VSIG10: variants seen among roughly 807,000 people sequenced by gnomAD.
VSIG10 encodes V-set and immunoglobulin domain containing 10.
VSIG10 carries 48 observed loss-of-function variants against 58.7 expected under a neutral mutation model. That is an observed-to-expected ratio of 0.82 (90% CI 0.65 to 1.04). The LOEUF (loss-of-function observed/expected upper bound fraction) is 1.04, where lower values mean the gene tolerates loss of function less well. Among genes scored for constraint, VSIG10 ranks in the 50% least tolerant of loss-of-function variants. The pLI is 0.00. For synonymous variants in VSIG10, 260 were observed against 267.1 expected (o/e 0.97, Z 0.26); for missense variants, 628 against 670.0 (o/e 0.94, Z 0.69).
intron 8 of VSIG10, 131 bp downstream of exon 8, chr12:118,068,246 G>A (rs940325331): frequency 4.5e-6 from 3 of 672,140 alleles, no homozygotes; most frequent in Non-Finnish European, 7.2e-6. Context: ...TGTTGCCCAG[G>A]CTAGTCTTGA....
chr12:118,090,664 A>AT (rs1258001301), intron 2 of VSIG10, among the ~76,000 whole-genome samples: 2 of 151,814 alleles, frequency 1.3e-5, no homozygotes, highest in Non-Finnish European at 2.9e-5. Flanking sequence ...TTCTCCTTTT[A>AT]TTTTTTCAGA....
intron 4 of VSIG10, among the ~76,000 whole-genome samples, chr12:118,078,230 C>G (rs2032803342): frequency 6.6e-6 from 1 of 152,188 alleles, no homozygotes; most frequent in Admixed American, 6.5e-5. Flanking sequence ...GCGATCTCGG[C>G]TCACTGGAAG....
At chr12:118,090,722 G>T (rs1566173522) in intron 2 of VSIG10, among the ~76,000 whole-genome samples, 3 of 152,114 alleles carry the variant, frequency 2.0e-5, no homozygotes, top group Non-Finnish European at 4.4e-5. Context: ...GTGTGATCAT[G>T]ACTTACTGCA....
At chr12:118,067,614 C>T (rs2032301337) in intron 8 of VSIG10, among the ~76,000 whole-genome samples, 1 of 151,576 alleles carries the variant, frequency 6.6e-6, no homozygotes, top group Non-Finnish European at 1.5e-5. Flanking sequence ...CAGGCACCTA[C>T]CACACCCAGC....
Position 118,070,440 on chromosome 12 carries a change from C to T in VSIG10, c.1346+612G>A, listed in dbSNP as rs143759422. Among the ~76,000 whole-genome samples, 824 of 151,098 alleles carry T rather than the reference C, an allele frequency of 5.5e-3. 7 individuals carry two copies. The highest frequency in any genetic ancestry group is 0.018 in the African/African-American group (759 of 41,166). On this transcript the variant is annotated intron_variant, in intron 7 of 8. Transcript: ENST00000359236. ...GTGCGCACCTGTAATCCCAACTACT[C>T]GGAAGGCTGAGGCAGGAGAATGGCC... is the stretch of plus-strand genomic sequence containing the variant.
rs1033533591 is a variant in VSIG10 at position 118,065,473 on chromosome 12, A to T, written c.*1166T>A. On this transcript the variant is annotated 3_prime_UTR_variant, in exon 9 of 9. Coordinates refer to ENST00000359236, the MANE Select transcript of VSIG10 (RefSeq NM_019086.6). ...TATCTCCAGGGAAATAAAACTGGTTAAGACAGTGCTCTGATATGCTTAGTT... is the reference window on the plus strand; with the variant it reads ...TATCTCCAGGGAAATAAAACTGGTTTAGACAGTGCTCTGATATGCTTAGTT... The T allele has an allele frequency of 6.6e-6, 1 of 152,250 alleles. No individual in the cohort carries two copies. Among genetic ancestry groups the T allele is most frequent in the Non-Finnish European group, 1.5e-5 (1 of 68,046 alleles). 9.4% of individuals were successfully genotyped at this position (152,250 alleles called of 1,614,324 possible). A position where few individuals can be genotyped will look rare whatever the true frequency, so the allele number is the denominator to read the frequency against.
At position 118,071,384 on chromosome 12, in the gene VSIG10, A is replaced by C; in HGVS notation, c.1305T>G (p.His435Gln). The C allele has an allele frequency of 6.2e-7, 1 of 1,613,864 alleles. No homozygotes were observed. The highest frequency in any genetic ancestry group is 8.5e-7 in the Non-Finnish European group (1 of 1,179,836). Residue 435 changes from histidine to glutamine, a missense_variant, in exon 6 of 9, where the codon CAT becomes CAG. Transcript: ENST00000359236. ...CTTTCCAGCAGAACACAGGGCTATAATGCAACAGAAGCCCTGAGATAATGG... is the reference window on the plus strand; with the variant it reads ...CTTTCCAGCAGAACACAGGGCTATACTGCAACAGAAGCCCTGAGATAATGG... ...GLAIISGLLL[H>Q]YSPVFCWKVG...
chr12:118,100,013 A>T (rs925550495), intron 1 of VSIG10, among the ~76,000 whole-genome samples: 7 of 152,238 alleles, frequency 4.6e-5, no homozygotes, highest in Admixed American at 1.3e-4. Context: ...TGAAAGGTGG[A>T]GAATGCCATC....
At chr12:118,068,045 T>TTTTTTTTTC (rs71450254) in intron 8 of VSIG10, among the ~76,000 whole-genome samples, 1 of 141,190 alleles carries the variant, frequency 7.1e-6, no homozygotes, top group Non-Finnish European at 1.5e-5. Context: ...TTTTTTTTTT[T>TTTTTTTTTC]CTGAGGCAGG....
Position 118,066,694 on chromosome 12 carries a change from T to TC in VSIG10, c.1568-1dup (p.Asp523GlyfsTer2), listed in dbSNP as rs779579242. On this transcript the variant is annotated frameshift_variant and splice_region_variant. Coordinates refer to ENST00000359236, the MANE Select transcript of VSIG10 (RefSeq NM_019086.6). LOFTEE classifies it high-confidence loss of function. ...GTCACTTTGCTCCTCACTGCTGTCA[T>TC]CTGTATGGGGGGAAATAAACCCAAT... 7.5e-6 allele frequency: 12 copies of TC among 1,607,700 alleles called. No individual in the cohort carries two copies. The highest frequency in any genetic ancestry group is 1.0e-5 in the Non-Finnish European group (12 of 1,176,438).
intron 3 of VSIG10, 113 bp from the exon 4 acceptor site, chr12:118,079,719 G>T: frequency 7.1e-7 from 1 of 1,409,084 alleles, no homozygotes; most frequent in Non-Finnish European, 9.6e-7. Context: ...ACCCCAGTTA[G>T]TGTTAGCATC....
chr12:118,080,056 A>G (rs1446891776), intron 3 of VSIG10, among the ~76,000 whole-genome samples: 2 of 152,100 alleles, frequency 1.3e-5, no homozygotes, highest in African/African-American at 4.8e-5. Flanking sequence ...CTGCTCTTGA[A>G]CGCCTGACTT....
chr12:118,084,161 G>A (rs1198572775), intron 2 of VSIG10, among the ~76,000 whole-genome samples: 1 of 152,236 alleles, frequency 6.6e-6, no homozygotes, highest in Middle Eastern at 3.4e-3. Flanking sequence ...GCCAAATCCT[G>A]TTCTAGAACA....
intron 4 of VSIG10, among the ~76,000 whole-genome samples, chr12:118,074,471 G>A (rs2137862710): frequency 6.7e-6 from 1 of 150,344 alleles, no homozygotes; most frequent in East Asian, 2.0e-4. Flanking sequence ...GAAAATTTCA[G>A]AAATGAACAA....
rs1018679937 is a variant in VSIG10 at position 118,066,388 on chromosome 12, G to A, written c.*251C>T. On this transcript the variant is annotated 3_prime_UTR_variant, in exon 9 of 9. Coordinates refer to ENST00000359236, the MANE Select transcript of VSIG10 (RefSeq NM_019086.6). ...GATTCACAGCAGAAGTGGCACCTCA[G>A]ACACCAAAGCAGCTTTCCTTCTCAA... 3.8e-6 allele frequency: 2 copies of A among 529,682 alleles called. No individual in the cohort carries two copies. The highest frequency in any genetic ancestry group is 3.9e-5 in the African/African-American group (2 of 51,650). The allele number at this position is 529,682 out of a possible 1,614,324, so 32.8% of individuals were successfully genotyped here. A position where few individuals can be genotyped will look rare whatever the true frequency, so the allele number is the denominator to read the frequency against.
intron 2 of VSIG10, among the ~76,000 whole-genome samples, chr12:118,086,084 G>A (rs956531620): frequency 2.6e-5 from 4 of 151,924 alleles, no homozygotes; most frequent in African/African-American, 4.8e-5. Context: ...CTTGAACCCG[G>A]GAGGCAGAGG....
At chr12:118,101,454 G>A (rs2033621099) in intron 1 of VSIG10, among the ~76,000 whole-genome samples, 2 of 152,252 alleles carry the variant, frequency 1.3e-5, no homozygotes, top group South Asian at 4.2e-4. Flanking sequence ...AGGATGCAAT[G>A]ATAAAATATA....
intron 2 of VSIG10, among the ~76,000 whole-genome samples, chr12:118,092,802 G>T (rs951421200): frequency 4.0e-5 from 6 of 151,554 alleles, no homozygotes; most frequent in Non-Finnish European, 7.4e-5. Flanking sequence ...CACCCAGCTA[G>T]TTTTTTCACT....
At position 118,066,587 on chromosome 12, in the gene VSIG10, A is replaced by G. The variant is rs898533219; in HGVS notation, c.*52T>C. On this transcript the variant is annotated 3_prime_UTR_variant, in exon 9 of 9. Transcript: ENST00000359236. ...AAAGCTGAATGAAGAGCTCGTCTTC[A>G]ATGTAGCTCTCCAAGCTTTCAGAGC... 1.8e-5 allele frequency: 29 copies of G among 1,601,794 alleles called. No homozygotes were observed. Among genetic ancestry groups the G allele is most frequent in the Middle Eastern group, 1.7e-4 (1 of 6,044 alleles).
Sources: allele counts gnomAD v4.1 joint callset (sites outside exome capture counted in the v4.1 genomes callset), GRCh38; gene constraint gnomAD v4.1.1; transcripts MANE v1.5; gene names NCBI Gene and HGNC (gene_info 2026-07-23, HGNC 2026-07-21).